The following SI variants were observed in gnomAD, a reference collection of about 807,000 sequenced individuals.
The protein encoded by SI is sucrase-isomaltase, intestinal.
In SI, 235 loss-of-function variants were observed where a neutral mutation model predicts 253.3. The observed-to-expected ratio is 0.93, with a 90% CI of 0.83 to 1.03. The LOEUF (loss-of-function observed/expected upper bound fraction) is 1.03. SI is among the 50% of genes least tolerant of loss of function. The pLI, the probability that SI is intolerant of heterozygous loss-of-function variation, is 0.00. For missense variants in SI, 2,442 were observed against 2,211.1 expected, an observed-to-expected ratio of 1.10 and a Z score of -2.09; for synonymous variants, 819 against 712.0, an observed-to-expected ratio of 1.15 and a Z score of -2.39.
In SI at chr3:165,074,595, G is replaced by A. The variant is rs1714822912; in HGVS notation, c.191C>T (p.Pro64Leu). The A allele has an allele frequency of 6.2e-7, 1 of 1,610,004 alleles. No individual in the cohort carries two copies. Among genetic ancestry groups the A allele is most frequent in the East Asian group, 2.2e-5 (1 of 44,624 alleles). Residue 64 changes from proline to leucine, a missense_variant, in exon 3 of 48, where the codon CCA becomes CTA. Coordinates refer to ENST00000264382, the MANE Select transcript of SI (RefSeq NM_001041.4). ...ATTGACAGGATCATTTAACACATTT[G>A]GACATTTTCCTGAATCAGAAGGATT... ...TTNPSDSGKC[P>L]NVLNDPVNVR... is the part of the protein sequence containing the mutation.
chr3:165,041,551 T>TG (rs1712837184), intron 17 of SI, among the ~76,000 whole-genome samples: 1 of 152,040 alleles, frequency 6.6e-6, no homozygotes, highest in Non-Finnish European at 1.5e-5. Flanking sequence ...AGGCTTGAAA[T>TG]GGGCTTGCCT....
chr3:164,979,325 G>GT lies in SI; in HGVS notation c.*36dup, dbSNP rs1335384819. 1.6e-6 allele frequency: 2 copies of GT among 1,247,376 alleles called. No individual in the cohort carries two copies. The highest frequency in any genetic ancestry group is 1.2e-6 in the Non-Finnish European group (1 of 849,180). 77.3% of individuals were successfully genotyped at this position (1,247,376 alleles called of 1,614,324 possible). ...AGTGCTGTGAAACTTAAATCCTGGT[G>GT]TTTTTTCCCATTGACAACTAAAATT... On this transcript the variant is annotated 3_prime_UTR_variant, in exon 48 of 48. Coordinates refer to ENST00000264382, the MANE Select transcript of SI (RefSeq NM_001041.4).
Position 165,032,509 on chromosome 3 carries a change from A to G in SI, c.2736+13T>C, listed in dbSNP as rs771860184. ...TATATGATAGCTAAAATATTTTAAA[A>G]GATTGTAATTACCTGGTTAGAAGCA... On this transcript the variant is annotated intron_variant, in intron 24 of 47. Coordinates refer to ENST00000264382, the MANE Select transcript of SI (RefSeq NM_001041.4). The G allele has an allele frequency of 1.4e-5, 22 of 1,561,162 alleles. No homozygotes were observed. The highest frequency in any genetic ancestry group is 5.1e-5 in the Admixed American group (3 of 59,320).
At chr3:165,023,413 G>C (rs951329677) in intron 26 of SI, among the ~76,000 whole-genome samples, 157 bp downstream of exon 26, 5 of 151,464 alleles carry the variant, frequency 3.3e-5, no homozygotes, top group Non-Finnish European at 7.4e-5. Flanking sequence ...TGGGCACCTA[G>C]CTATGAGTTG....
chr3:164,984,820 C>G (rs867145405), intron 45 of SI, among the ~76,000 whole-genome samples: 1 of 152,234 alleles, frequency 6.6e-6, no homozygotes, highest in South Asian at 2.1e-4. Flanking sequence ...GACATCATTT[C>G]AGATTGGATG....
intron 3 of SI, among the ~76,000 whole-genome samples, chr3:165,071,169 A>G (rs1478277140): frequency 1.3e-5 from 2 of 152,220 alleles, no homozygotes; most frequent in Middle Eastern, 3.4e-3. Context: ...TTCCAAGTAG[A>G]CACGAATTTT....
intron 3 of SI, among the ~76,000 whole-genome samples, chr3:165,071,442 T>C (rs1301724051): frequency 6.6e-6 from 1 of 151,496 alleles, no homozygotes; most frequent in Non-Finnish European, 1.5e-5. Context: ...AATAAATTTA[T>C]CATATTTTAA....
At chr3:165,033,277 C>T in intron 23 of SI, 118 bp downstream of exon 23, 1 of 743,486 alleles carries the variant, frequency 1.3e-6, no homozygotes. Context: ...TATTTCATTA[C>T]ATTCCATTAA....
the SI span, among the ~76,000 whole-genome samples, chr3:165,089,168 T>C: frequency 2.6e-5 from 4 of 151,720 alleles, no homozygotes; most frequent in Non-Finnish European, 5.9e-5. Context: ...TATTGGCAAA[T>C]TTAAATCAGA....
At chr3:165,000,423 AAAAG>A (rs948725853) in intron 37 of SI, among the ~76,000 whole-genome samples, 14 of 151,452 alleles carry the variant, frequency 9.2e-5, no homozygotes, top group East Asian at 1.9e-4. Context: ...CAGAATAGCT[AAAAG>A]AAAGAATTTT....
chr3:165,043,020 GT>G, intron 17 of SI, 38 bp downstream of exon 17: 1 of 1,200,948 alleles, frequency 8.3e-7, no homozygotes. Context: ...AACTATGGTT[GT>G]TTTTTATTTC....
intron 41 of SI, among the ~76,000 whole-genome samples, chr3:164,993,654 A>G (rs1452074214): frequency 6.6e-6 from 1 of 151,742 alleles, no homozygotes; most frequent in African/African-American, 2.4e-5. Context: ...AATATCTACA[A>G]TAAGAATTTG....
chr3:165,062,329 A>G (rs757742287), intron 9 of SI, 42 bp downstream of exon 9: 1 of 954,788 alleles, frequency 1.0e-6, no homozygotes, highest in Non-Finnish European at 1.7e-6. Flanking sequence ...GATGAAATAA[A>G]AGTATGCAGA....
At chr3:165,009,785 T>C (rs1021722323) in intron 34 of SI, among the ~76,000 whole-genome samples, 1 of 152,162 alleles carries the variant, frequency 6.6e-6, no homozygotes, top group Non-Finnish European at 1.5e-5. Context: ...TGTTTTTATA[T>C]AGCTTTCTCA....
At chr3:165,033,536 A>G in intron 22 of SI, 92 bp from the exon 23 acceptor site, 5 of 1,182,778 alleles carry the variant, frequency 4.2e-6, no homozygotes, top group Non-Finnish European at 5.4e-6. Flanking sequence ...AAATTTGAAC[A>G]AACTAGATGC....
rs574851946 is a variant in SI, at chr3:165,078,003, G to C, written c.-1+430C>G. ...ATAATACTTTATTGTATAACAACTT[G>C]ATGAATGATCTTTAAAAGGTCAGCT... On this transcript the variant is annotated intron_variant, in intron 1 of 47. Coordinates refer to ENST00000264382, the MANE Select transcript of SI (RefSeq NM_001041.4). 1.6e-4 allele frequency among the ~76,000 whole-genome samples: 24 copies of C among 151,474 alleles called. 1 individual carries two copies. Among genetic ancestry groups the C allele is most frequent in the African/African-American group, 5.1e-4 (21 of 41,444 alleles).
upstream of SI, among the ~76,000 whole-genome samples, chr3:165,079,803 A>T (rs1309318176): frequency 6.6e-6 from 1 of 151,844 alleles, no homozygotes; most frequent in Non-Finnish European, 1.5e-5. Context: ...ATATAGACAG[A>T]GATATAAGTT....
chr3:165,028,422 C>T (rs1456872143), intron 25 of SI, among the ~76,000 whole-genome samples: 3 of 150,794 alleles, frequency 2.0e-5, no homozygotes, highest in East Asian at 3.9e-4. Context: ...TATTCTTCAC[C>T]GAACTGGAAA....
At chr3:165,024,974 A>G (rs1327584318) in intron 25 of SI, among the ~76,000 whole-genome samples, 1 of 151,214 alleles carries the variant, frequency 6.6e-6, no homozygotes, top group African/African-American at 2.4e-5. Flanking sequence ...ACTGACAAAC[A>G]ATTTGCATAG....
Sources: gnomAD v4.1 joint callset for allele counts (sites outside exome capture counted in the v4.1 genomes callset) on GRCh38, gnomAD v4.1.1 for gene constraint, MANE v1.5 for transcripts, NCBI Gene and HGNC (gene_info 2026-07-23, HGNC 2026-07-21) for gene names.